The following MAMDC2 variants were observed in gnomAD, a reference collection of about 807,000 sequenced individuals.
The protein encoded by MAMDC2 is MAM domain-containing protein 2.
A neutral mutation model predicts 89.8 loss-of-function variants in MAMDC2; 57 were observed. The observed-to-expected ratio is 0.63, with a 90% CI of 0.51 to 0.79. MAMDC2 has a LOEUF of 0.79. Ranked by LOEUF, MAMDC2 falls within the 30% of genes least tolerant of loss-of-function variation. The pLI is 0.00. For missense variants in MAMDC2, 800 were observed against 820.6 expected (o/e 0.97, Z 0.31); for synonymous variants, 313 against 293.4 (o/e 1.07, Z -0.68).
intron 12 of MAMDC2, among the ~76,000 whole-genome samples, chr9:70,223,222 T>TAAGTTATAAAATGACTTTAGAGC (rs2033598030): frequency 6.7e-6 from 1 of 149,700 alleles, no homozygotes; most frequent in Non-Finnish European, 1.5e-5. Context: ...GGTGCCGCAA[T>TAAGTTATAAAATGACTTTAGAGC]ACCAGAAGAA....
chr9:70,180,179 C>T (rs138696694), intron 11 of MAMDC2, among the ~76,000 whole-genome samples: 10,473 of 152,184 alleles, frequency 0.069, 572 homozygotes, highest in East Asian at 0.22. Flanking sequence ...CATGTCCCTC[C>T]AAAGGACATG....
chr9:70,160,379 T>C (rs73451455), intron 9 of MAMDC2, among the ~76,000 whole-genome samples: 1,801 of 152,014 alleles, frequency 0.012, 26 homozygotes, highest in African/African-American at 0.04. Context: ...GGTGGGGAAT[T>C]AGAGACTAAA....
At chr9:70,202,072 T>A (rs1285750357) in intron 11 of MAMDC2, among the ~76,000 whole-genome samples, 2 of 152,068 alleles carry the variant, frequency 1.3e-5, no homozygotes, top group Admixed American at 6.6e-5. Flanking sequence ...GCTCTGATTT[T>A]AGTTATTTCT....
At chr9:70,220,686 G>T (rs1420951557) in intron 12 of MAMDC2, among the ~76,000 whole-genome samples, 2 of 152,180 alleles carry the variant, frequency 1.3e-5, no homozygotes, top group Non-Finnish European at 2.9e-5. Flanking sequence ...AACCAGATCT[G>T]CATGGTTCCA....
At chr9:70,134,296 A>T in intron 7 of MAMDC2, among the ~76,000 whole-genome samples, 1 of 113,544 alleles carries the variant, frequency 8.8e-6, no homozygotes, top group Non-Finnish European at 1.8e-5. Flanking sequence ...TGCCCCCCAC[A>T]CCCGGTGCTT....
intron 2 of MAMDC2, among the ~76,000 whole-genome samples, chr9:70,074,233 G>C (rs1587446415): frequency 6.6e-6 from 1 of 152,212 alleles, no homozygotes; most frequent in East Asian, 1.9e-4. Flanking sequence ...TTTCAGGCAA[G>C]AAGATGGAAA....
chr9:70,145,964 G>A (rs2118427824), intron 9 of MAMDC2, among the ~76,000 whole-genome samples: 1 of 152,274 alleles, frequency 6.6e-6, no homozygotes, highest in East Asian at 1.9e-4. Context: ...TTTACCAGTT[G>A]CTGTAAAAAA....
chr9:70,133,321 GA>G (rs1297547580), intron 7 of MAMDC2, among the ~76,000 whole-genome samples: 1 of 151,976 alleles, frequency 6.6e-6, no homozygotes, highest in African/African-American at 2.4e-5. Context: ...TCCTCCTTTT[GA>G]AAAAAAGAGA....
At chr9:70,075,286 T>C (rs1320478475) in intron 2 of MAMDC2, among the ~76,000 whole-genome samples, 2 of 152,178 alleles carry the variant, frequency 1.3e-5, no homozygotes, top group Non-Finnish European at 2.9e-5. Flanking sequence ...CAGCTCAGCC[T>C]GCAAAACCCA....
Position 70,151,937 on chromosome 9 carries a change from C to A in MAMDC2, c.1404+8118C>A, listed in dbSNP as rs867957046. ...AGCATGTCAGGTGTGTTCTTGAGGG[C>A]CCAACTCAAAGACAGTACGTGCCTT... On this transcript the variant is annotated intron_variant, in intron 9 of 13. Coordinates refer to ENST00000377182, the MANE Select transcript of MAMDC2 (RefSeq NM_153267.5). Among the ~76,000 whole-genome samples, 4 of 152,184 alleles carry A rather than the reference C, an allele frequency of 2.6e-5. No homozygotes were observed. In the South Asian group the frequency reaches 6.2e-4, roughly 24 times the overall value.
intron 11 of MAMDC2, among the ~76,000 whole-genome samples, chr9:70,213,062 A>G (rs2033387020): frequency 6.6e-6 from 1 of 152,182 alleles, no homozygotes; most frequent in Non-Finnish European, 1.5e-5. Flanking sequence ...CAATCGAATG[A>G]TCCTGGGGAT....
intron 11 of MAMDC2, among the ~76,000 whole-genome samples, chr9:70,212,484 G>C (rs185043990): frequency 8.3e-4 from 127 of 152,354 alleles, no homozygotes; most frequent in African/African-American, 2.9e-3. Context: ...GAAAAGTGCA[G>C]TATTAGAGTG....
chr9:70,217,726 A>T, intron 11 of MAMDC2: 1 of 1,234,652 alleles, frequency 8.1e-7, no homozygotes, highest in East Asian at 2.4e-5. Context: ...ATTACAGAGT[A>T]TGTTTTCAAA....
intron 2 of MAMDC2, among the ~76,000 whole-genome samples, chr9:70,065,315 T>TA (rs1195343429): frequency 1.3e-5 from 2 of 152,196 alleles, no homozygotes; most frequent in Non-Finnish European, 2.9e-5. Flanking sequence ...TGTCACGGAT[T>TA]AAAATAAAAT....
At chr9:70,050,580 A>C (rs900022468) in intron 2 of MAMDC2, among the ~76,000 whole-genome samples, 5 of 152,222 alleles carry the variant, frequency 3.3e-5, no homozygotes, top group African/African-American at 4.8e-5. Context: ...TATATACATT[A>C]ATACGTTTAA....
At chr9:70,136,172 A>C (rs983899249) in intron 7 of MAMDC2, among the ~76,000 whole-genome samples, 1 of 151,920 alleles carries the variant, frequency 6.6e-6, no homozygotes. Flanking sequence ...GCAAACAAAA[A>C]ACTCTCTATG....
rs759263363 is a variant in MAMDC2, at chr9:70,108,377, A to T, written c.315A>T (p.Arg105Ser). 20 of 1,613,982 alleles carry T rather than the reference A, an allele frequency of 1.2e-5. No individual in the cohort carries two copies. Among genetic ancestry groups the T allele is most frequent in the Non-Finnish European group, 1.6e-5 (19 of 1,179,984 alleles). ...CCAGCCAGCTGAACCTCTACATGAG[A>T]TTTGAAGATGAAAGCTTTGATCGCT... The part of the protein sequence containing the change: ...SDPSQLNLYM[R>S]FEDESFDRLL... Residue 105 changes from arginine to serine, a missense_variant, in exon 3 of 14, where the codon AGA (arginine) becomes AGT (serine). Arg to Ser is a moderately radical substitution (Grantham distance 110). Transcript: ENST00000377182.
intron 11 of MAMDC2, among the ~76,000 whole-genome samples, chr9:70,204,224 A>G (rs2033167897): frequency 6.7e-6 from 1 of 148,226 alleles, no homozygotes; most frequent in African/African-American, 2.5e-5. Flanking sequence ...TGATGTACAG[A>G]TGGGTTTTCG....
chr9:70,221,248 G>C (rs927146660), intron 12 of MAMDC2, among the ~76,000 whole-genome samples: 2 of 149,220 alleles, frequency 1.3e-5, no homozygotes, highest in African/African-American at 2.5e-5. Flanking sequence ...CCAGCACTTC[G>C]GGAGGCCGAG....
Sources: gnomAD v4.1 joint callset for allele counts (sites outside exome capture counted in the v4.1 genomes callset) on GRCh38, gnomAD v4.1.1 for gene constraint, MANE v1.5 for transcripts, NCBI Gene and HGNC (gene_info 2026-07-23, HGNC 2026-07-21) for gene names.